RBFOX1: variants seen among roughly 807,000 people sequenced by gnomAD.
RBFOX1 encodes the protein RNA binding protein fox-1 homolog 1.
A neutral mutation model predicts 57.7 loss-of-function variants in RBFOX1; 8 were observed. The observed-to-expected ratio is 0.14, with a 90% CI of 0.08 to 0.25. The LOEUF is 0.25. RBFOX1 is among the 10% of genes least tolerant of loss of function. The pLI is 1.00. For missense variants in RBFOX1, 611 were observed against 548.5 expected (o/e 1.11, Z -1.14); for synonymous variants, 326 against 222.4 (o/e 1.47, Z -4.15).
At chr16:7,030,226 T>G (rs954487067) in intron 3 of RBFOX1, among the ~76,000 whole-genome samples, 1 of 152,208 alleles carries the variant, frequency 6.6e-6, no homozygotes. Flanking sequence ...AGAAGGCTGT[T>G]CTTCAGTGAC....
At chr16:6,735,920 G>GT (rs1307977265) in intron 3 of RBFOX1, among the ~76,000 whole-genome samples, 5 of 73,890 alleles carry the variant, frequency 6.8e-5, no homozygotes, top group Non-Finnish European at 1.8e-4. Context: ...AGTTTTTGTC[G>GT]CCATTTTTTT....
At chr16:5,422,877 G>A (rs578094029) in intron 1 of RBFOX1, among the ~76,000 whole-genome samples, 5 of 127,730 alleles carry the variant, frequency 3.9e-5, no homozygotes, top group African/African-American at 1.5e-4. Flanking sequence ...GGGAAGATGA[G>A]TAGGGAGTGG....
chr16:6,920,667 C>T (rs1385439172), intron 3 of RBFOX1, among the ~76,000 whole-genome samples: 4 of 152,108 alleles, frequency 2.6e-5, no homozygotes, highest in Admixed American at 2.0e-4. Flanking sequence ...ATACCTCTTC[C>T]CTAGTTTCTT....
chr16:7,701,655 CTT>C (rs1399099962), intron 14 of RBFOX1, among the ~76,000 whole-genome samples: 2 of 152,152 alleles, frequency 1.3e-5, no homozygotes, highest in African/African-American at 4.8e-5. Context: ...TCTTGAGAAG[CTT>C]TGAGGATAAG....
At chr16:6,513,544 G>C (rs8057780) in intron 2 of RBFOX1, among the ~76,000 whole-genome samples, 4,333 of 152,124 alleles carry the variant, frequency 0.028, 199 homozygotes, top group African/African-American at 0.099. Context: ...GACCAGCCTA[G>C]CCAACATGGT....
chr16:7,067,277 AG>A (rs2056290669), intron 4 of RBFOX1, among the ~76,000 whole-genome samples: 1 of 148,668 alleles, frequency 6.7e-6, no homozygotes, highest in Non-Finnish European at 1.5e-5. Flanking sequence ...AATCTGTGTT[AG>A]TTTTTTATTG....
intron 3 of RBFOX1, among the ~76,000 whole-genome samples, chr16:6,931,338 TCTACACAC>T (rs1455842037): frequency 7.6e-5 from 10 of 131,256 alleles, no homozygotes; most frequent in East Asian, 4.1e-4. Flanking sequence ...TCTATCTATC[TCTACACAC>T]ACACACACAC....
At position 6,678,345 on chromosome 16, in the gene RBFOX1, A is replaced by T. The variant is rs549831853; in HGVS notation, c.-16+23695A>T. Reference sequence around the variant, plus strand: ...TCATCATGTTGGCCAGGCTGGTTTGAACTCCTGACCTCAAGTCATCTACCC... The same window carrying T: ...TCATCATGTTGGCCAGGCTGGTTTGTACTCCTGACCTCAAGTCATCTACCC... On this transcript the variant is annotated intron_variant, in intron 3 of 15. Coordinates refer to ENST00000550418, the MANE Select transcript of RBFOX1 (RefSeq NM_018723.4). Among the ~76,000 whole-genome samples, 4 of 152,122 alleles carry T rather than the reference A, an allele frequency of 2.6e-5. No homozygotes were observed. In the South Asian group the frequency reaches 8.3e-4, roughly 32 times the overall value.
At chr16:7,149,795 A>G (rs781570078) in intron 4 of RBFOX1, among the ~76,000 whole-genome samples, 17 of 151,952 alleles carry the variant, frequency 1.1e-4, no homozygotes, top group Non-Finnish European at 1.9e-4. Context: ...CCATTAAGTA[A>G]TGTCTAGCCA....
At chr16:6,567,472 G>T (rs2097283301) in intron 2 of RBFOX1, among the ~76,000 whole-genome samples, 1 of 152,112 alleles carries the variant, frequency 6.6e-6, no homozygotes, top group African/African-American at 2.4e-5. Flanking sequence ...CATGAGAGAG[G>T]CCTTTCTTGG....
chr16:5,452,282 C>G (rs1406640874), intron 1 of RBFOX1, among the ~76,000 whole-genome samples: 2 of 151,914 alleles, frequency 1.3e-5, no homozygotes, highest in Non-Finnish European at 2.9e-5. Context: ...CCACGCCCAG[C>G]TAATTTTTGT....
chr16:7,485,264 G>A (rs867132275), intron 4 of RBFOX1, among the ~76,000 whole-genome samples: 37 of 152,148 alleles, frequency 2.4e-4, no homozygotes, highest in African/African-American at 7.7e-4. Flanking sequence ...GCACCCTCGC[G>A]TGTTGCTTTT....
At chr16:7,209,867 C>T (rs143235842) in intron 4 of RBFOX1, among the ~76,000 whole-genome samples, 14 of 152,288 alleles carry the variant, frequency 9.2e-5, no homozygotes, top group African/African-American at 3.4e-4. Context: ...GGCACACACA[C>T]TCTCAAGGTC....
At chr16:6,078,305 C>G (rs1191927594) in intron 1 of RBFOX1, among the ~76,000 whole-genome samples, 5 of 152,184 alleles carry the variant, frequency 3.3e-5, no homozygotes, top group Non-Finnish European at 7.3e-5. Flanking sequence ...GCAAGCTTCT[C>G]CAGCCCATGT....
chr16:6,859,834 A>G (rs529336036), intron 3 of RBFOX1, among the ~76,000 whole-genome samples: 1 of 123,738 alleles, frequency 8.1e-6, no homozygotes, highest in South Asian at 2.6e-4. Context: ...GTTTCTTTAT[A>G]GAATCACACT....
chr16:5,307,354 A>G (rs1258834638), intron 1 of RBFOX1, among the ~76,000 whole-genome samples: 1 of 152,180 alleles, frequency 6.6e-6, no homozygotes. Context: ...TTTCTGGACT[A>G]CTGATTCTCT....
Position 5,990,977 on chromosome 16 carries a change from A to G in RBFOX1, c.351+123642A>G, listed in dbSNP as rs113333933. Among the ~76,000 whole-genome samples, 1,272 of 152,274 alleles carry G rather than the reference A, an allele frequency of 8.4e-3. 19 individuals are homozygous for G. Among genetic ancestry groups the G allele is most frequent in the African/African-American group, 0.029 (1,206 of 41,542 alleles). ...CCACAAGAGCAAGACTCTGTCAGAG[A>G]GAGAAAAAAAATACATTTGGTTATG... On this transcript the variant is annotated intron_variant, in intron 4 of 19. Transcript: ENST00000641259.
chr16:7,503,870 C>G (rs930129685), intron 4 of RBFOX1, among the ~76,000 whole-genome samples: 5 of 152,130 alleles, frequency 3.3e-5, no homozygotes, highest in Non-Finnish European at 5.9e-5. Context: ...CCATCTGTCA[C>G]TCAGGAATGG....
At chr16:7,542,772 C>A (rs564413577) in intron 5 of RBFOX1, among the ~76,000 whole-genome samples, 1 of 146,022 alleles carries the variant, frequency 6.8e-6, no homozygotes, top group Admixed American at 6.9e-5. Flanking sequence ...GTGGCTGAGG[C>A]ATGAGAATCA....
Sources: gnomAD v4.1 joint callset for allele counts (sites outside exome capture counted in the v4.1 genomes callset) on GRCh38, gnomAD v4.1.1 for gene constraint, MANE v1.5 for transcripts, NCBI Gene and HGNC (gene_info 2026-07-23, HGNC 2026-07-21) for gene names.